Variants in EFNA5 observed in about 807,000 individuals in gnomAD.
EFNA5 encodes ephrin-A5.
Under a neutral mutation model 22.9 loss-of-function variants are expected in EFNA5, and 5 were observed. The observed-to-expected ratio is 0.22, with a 90% CI of 0.11 to 0.46. The LOEUF is 0.46. Ranked by LOEUF, EFNA5 falls within the 20% of genes least tolerant of loss-of-function variation. The pLI, the probability that EFNA5 is intolerant of heterozygous loss-of-function variation, is 0.99. For missense variants in EFNA5, 237 were observed against 293.3 expected (o/e 0.81, Z 1.40); for synonymous variants, 113 against 112.2 (o/e 1.01, Z -0.04).
At chr5:107,639,557 G>A (rs952852760) in intron 1 of EFNA5, among the ~76,000 whole-genome samples, 1 of 152,188 alleles carries the variant, frequency 6.6e-6, no homozygotes, top group African/African-American at 2.4e-5. Flanking sequence ...TGACACATGG[G>A]AAGTGCTATG....
At chr5:107,385,250 G>A (rs548160423) in intron 4 of EFNA5, among the ~76,000 whole-genome samples, 4 of 152,104 alleles carry the variant, frequency 2.6e-5, no homozygotes, top group Non-Finnish European at 5.9e-5. Context: ...ATCTTGCATT[G>A]TATCGTTAGT....
At chr5:107,523,521 A>ATGAGTG (rs1747637419) in intron 1 of EFNA5, among the ~76,000 whole-genome samples, 1 of 152,222 alleles carries the variant, frequency 6.6e-6, no homozygotes, top group Admixed American at 6.5e-5. Context: ...TGAATCAGCC[A>ATGAGTG]TGAGTGTGTG....
intron 1 of EFNA5, among the ~76,000 whole-genome samples, chr5:107,478,980 C>G (rs1750382963): frequency 6.6e-6 from 1 of 152,024 alleles, no homozygotes; most frequent in Non-Finnish European, 1.5e-5. Context: ...GACATGTTAA[C>G]CATTCATACT....
chr5:107,569,666 A>G (rs1209633724), intron 1 of EFNA5, among the ~76,000 whole-genome samples: 2 of 144,628 alleles, frequency 1.4e-5, no homozygotes, highest in African/African-American at 5.0e-5. Context: ...CCTGGCCAAC[A>G]TGGTAAAACC....
intron 1 of EFNA5, among the ~76,000 whole-genome samples, chr5:107,503,356 A>G (rs1042611435): frequency 6.6e-6 from 1 of 152,196 alleles, no homozygotes; most frequent in Non-Finnish European, 1.5e-5. Context: ...TCCTACTTTC[A>G]TTAGCAGTTT....
At chr5:107,447,634 T>C (rs540996372) in intron 1 of EFNA5, among the ~76,000 whole-genome samples, 2 of 152,114 alleles carry the variant, frequency 1.3e-5, no homozygotes, top group Admixed American at 6.5e-5. Context: ...GCAAAAGACT[T>C]CAAAAGAGTT....
chr5:107,506,234 T>C (rs1580501512), intron 1 of EFNA5: 1 of 152,228 alleles, frequency 6.6e-6, no homozygotes, highest in East Asian at 1.9e-4. Flanking sequence ...ATTCTGTACT[T>C]ATTGGAACTA....
At chr5:107,424,482 C>T (rs1748758346) in intron 2 of EFNA5, among the ~76,000 whole-genome samples, 1 of 151,548 alleles carries the variant, frequency 6.6e-6, no homozygotes, top group African/African-American at 2.4e-5. Flanking sequence ...TCCCAAAGTG[C>T]TAGGATTACA....
intron 1 of EFNA5, among the ~76,000 whole-genome samples, chr5:107,590,097 T>TG (rs5870271): frequency 0.47 from 70,822 of 151,982 alleles, 17,297 homozygotes; most frequent in African/African-American, 0.55. Context: ...TTCCATACCT[T>TG]GTTTCCTCAT....
intron 2 of EFNA5, among the ~76,000 whole-genome samples, chr5:107,404,057 A>C (rs539635489): frequency 6.6e-6 from 1 of 152,350 alleles, no homozygotes; most frequent in Non-Finnish European, 1.5e-5. Flanking sequence ...CTATTCATAT[A>C]ATCCAACTTA....
At chr5:107,440,801 A>T (rs1332772680) in intron 1 of EFNA5, among the ~76,000 whole-genome samples, 1 of 152,182 alleles carries the variant, frequency 6.6e-6, no homozygotes, top group African/African-American at 2.4e-5. Flanking sequence ...TACAAAACCT[A>T]TGGGAGATAT....
chr5:107,415,001 G>A (rs1748466625), intron 2 of EFNA5, among the ~76,000 whole-genome samples: 1 of 152,158 alleles, frequency 6.6e-6, no homozygotes, highest in Admixed American at 6.5e-5. Flanking sequence ...ATGGATAAGA[G>A]CTAAGGGCAT....
intron 1 of EFNA5, among the ~76,000 whole-genome samples, chr5:107,569,395 G>GTGTGTATATATATATATATTTATGTATA (rs1561435730): frequency 1.2e-4 from 17 of 142,106 alleles, no homozygotes; most frequent in African/African-American, 4.4e-4. Context: ...TTATGTATAT[G>GTGTGTATATATATATATATTTATGTATA]TGTGTATATA....
intron 1 of EFNA5, among the ~76,000 whole-genome samples, chr5:107,510,062 A>C (rs1185267675): frequency 6.6e-6 from 1 of 152,200 alleles, no homozygotes; most frequent in Non-Finnish European, 1.5e-5. Context: ...TCTTAGCCAC[A>C]GGATGAGATA....
At chr5:107,547,527 CA>C (rs780912118) in intron 1 of EFNA5, among the ~76,000 whole-genome samples, 5,196 of 132,870 alleles carry the variant, frequency 0.039, 214 homozygotes, top group African/African-American at 0.11. Flanking sequence ...ACTGATGTTC[CA>C]AAAAAAAAAA....
intron 1 of EFNA5, among the ~76,000 whole-genome samples, chr5:107,471,100 T>C (rs1261600573): frequency 3.9e-5 from 6 of 152,126 alleles, no homozygotes; most frequent in African/African-American, 1.4e-4. Context: ...TCCCAATTCA[T>C]CAGGCTTTCC....
At chr5:107,544,993 T>G (rs1429202238) in intron 1 of EFNA5, among the ~76,000 whole-genome samples, 1 of 152,246 alleles carries the variant, frequency 6.6e-6, no homozygotes, top group Non-Finnish European at 1.5e-5. Flanking sequence ...GAGGCTGATT[T>G]GAAGCCATGT....
At chr5:107,466,118 C>T (rs1322032454) in intron 1 of EFNA5, among the ~76,000 whole-genome samples, 11 of 152,258 alleles carry the variant, frequency 7.2e-5, no homozygotes, top group African/African-American at 2.2e-4. Flanking sequence ...TTTCATCACA[C>T]CTTGATTCCA....
chr5:107,433,125 G>A (rs900153052), intron 1 of EFNA5, among the ~76,000 whole-genome samples: 2 of 152,134 alleles, frequency 1.3e-5, no homozygotes, highest in African/African-American at 4.8e-5. Context: ...GTTTTCAGGA[G>A]TCAAAAGTTA....
Sources: allele counts gnomAD v4.1 joint callset (sites outside exome capture counted in the v4.1 genomes callset), GRCh38; gene constraint gnomAD v4.1.1; transcripts MANE v1.5; gene names NCBI Gene and HGNC (gene_info 2026-07-23, HGNC 2026-07-21).